Variants in CENPP observed in about 807,000 individuals in gnomAD.
CENPP encodes centromere protein P.
A neutral mutation model predicts 35.6 loss-of-function variants in CENPP; 24 were observed. The ratio of observed to expected loss-of-function variants is 0.67; its 90% CI spans 0.49 to 0.95. The LOEUF (loss-of-function observed/expected upper bound fraction) is 0.95, where lower values mean the gene tolerates loss of function less well. Ranked by LOEUF, CENPP falls within the 40% of genes least tolerant of loss-of-function variation. The probability of loss-of-function intolerance (pLI) is 0.00; values close to 1 mark genes in which losing one functional copy is unlikely to be tolerated. For missense variants in CENPP, 332 were observed against 345.3 expected (o/e 0.96, Z 0.31); for synonymous variants, 120 against 125.5 (o/e 0.96, Z 0.29).
chr9:92,431,247 G>A (rs1844101270), intron 5 of CENPP, among the ~76,000 whole-genome samples: 1 of 152,024 alleles, frequency 6.6e-6, no homozygotes, highest in Non-Finnish European at 1.5e-5. Flanking sequence ...ATTTGAAATG[G>A]GACTGTTTCC....
rs1184441562 is a variant in CENPP at position 92,332,330 on chromosome 9, A to G, written c.268A>G (p.Ser90Gly). Residue 90 changes from serine (S) to glycine (G), a missense_variant, in exon 2 of 8, where the codon AGC becomes GGC. Transcript: ENST00000375587. ...NHSKQTEDLTSTEMTEKSIRK... is the reference protein window; with the variant it reads ...NHSKQTEDLTGTEMTEKSIRK... ...CTCCAAGCAGACAGAAGACCTAACA[A>G]GCACTGAGATGACAGAAAAGAGTAA... 7 of 1,591,282 alleles carry G rather than the reference A, an allele frequency of 4.4e-6. No individual in the cohort carries two copies. Among genetic ancestry groups the G allele is most frequent in the Non-Finnish European group, 4.3e-6 (5 of 1,170,904 alleles).
intron 3 of CENPP, among the ~76,000 whole-genome samples, chr9:92,344,800 C>A (rs1841235242): frequency 6.6e-6 from 1 of 151,438 alleles, no homozygotes; most frequent in African/African-American, 2.4e-5. Flanking sequence ...TCACCCGCCT[C>A]TGCCTCCCAA....
chr9:92,461,259 T>G (rs954278723), intron 5 of CENPP, among the ~76,000 whole-genome samples: 8 of 152,190 alleles, frequency 5.3e-5, no homozygotes, highest in Admixed American at 5.2e-4. Context: ...TTGTTTTTTG[T>G]TTTTTGTTTT....
intron 5 of CENPP, among the ~76,000 whole-genome samples, chr9:92,442,578 A>G (rs1024916696): frequency 4.6e-5 from 7 of 152,084 alleles, no homozygotes; most frequent in Non-Finnish European, 1.0e-4. Context: ...AGTTGGGCAC[A>G]GTGGCTCACG....
rs1842008817 is a variant in CENPP, at chr9:92,371,762, T to C, written c.468-8001T>C. 2.0e-5 allele frequency among the ~76,000 whole-genome samples: 3 copies of C among 150,698 alleles called. No homozygotes were observed. In the South Asian group the frequency reaches 6.2e-4, roughly 31 times the overall value. On this transcript the variant is annotated intron_variant, in intron 4 of 7. Transcript: ENST00000375587. ...TCTCTTTATATTTGGTAATATTTGCTTTATGAATCTGGATGCTTCTATATT... is the reference window on the plus strand; with the variant it reads ...TCTCTTTATATTTGGTAATATTTGCCTTATGAATCTGGATGCTTCTATATT...
intron 5 of CENPP, chr9:92,403,814 G>C (rs1353389094): frequency 1.1e-5 from 4 of 371,712 alleles, no homozygotes; most frequent in African/African-American, 6.6e-5. Context: ...TCTCATGTGA[G>C]TTAAAAATAT....
intron 5 of CENPP, among the ~76,000 whole-genome samples, chr9:92,531,155 C>T (rs1200550510): frequency 1.3e-5 from 2 of 151,862 alleles, no homozygotes; most frequent in African/African-American, 2.4e-5. Flanking sequence ...TTGAAATATA[C>T]TTTCTATTTG....
At chr9:92,523,748 C>T (rs950959268) in intron 5 of CENPP, among the ~76,000 whole-genome samples, 5 of 152,172 alleles carry the variant, frequency 3.3e-5, no homozygotes, top group East Asian at 3.9e-4. Context: ...GGAGCCTGTA[C>T]GTCTGTCCAC....
chr9:92,520,765 A>G (rs1310139999), intron 5 of CENPP, among the ~76,000 whole-genome samples: 1 of 152,250 alleles, frequency 6.6e-6, no homozygotes, highest in Non-Finnish European at 1.5e-5. Context: ...ATACAATGGA[A>G]TATTATTCAG....
intron 5 of CENPP, among the ~76,000 whole-genome samples, chr9:92,531,136 A>G (rs1426299623): frequency 1.3e-5 from 2 of 152,068 alleles, no homozygotes; most frequent in Non-Finnish European, 2.9e-5. Flanking sequence ...GTAAAATTTA[A>G]TGTTTGAATT....
chr9:92,406,846 G>A (rs759958362), intron 5 of CENPP, among the ~76,000 whole-genome samples: 1 of 152,144 alleles, frequency 6.6e-6, no homozygotes, highest in African/African-American at 2.4e-5. Context: ...TTCACAGCTA[G>A]AGGAGGAAAT....
intron 5 of CENPP, among the ~76,000 whole-genome samples, chr9:92,555,872 T>G (rs536141669): frequency 2.0e-5 from 3 of 152,326 alleles, no homozygotes; most frequent in African/African-American, 7.2e-5. Flanking sequence ...TGTATTTTTT[T>G]GTTGTTGTTT....
Position 92,593,890 on chromosome 9 carries a change from CTT to C in CENPP, c.565-17422_565-17421del, listed in dbSNP as rs1309543364. Among the ~76,000 whole-genome samples, 2 of 152,172 alleles carry C rather than the reference CTT, an allele frequency of 1.3e-5. No homozygotes were observed. The highest frequency in any genetic ancestry group is 2.4e-5 in the African/African-American group (1 of 41,440). On this transcript the variant is annotated intron_variant, in intron 5 of 7. Transcript: ENST00000375587. This position sits in a 1 kb window ranked among gnomAD's most constrained non-coding sequence, Gnocchi z 4.1. ...TAGAGAAGCCAAGAATATAGGTACA[CTT>C]TGCTACCTTTCTCACGAATCTCAAA...
chr9:92,430,188 G>C (rs1304762896), intron 5 of CENPP, among the ~76,000 whole-genome samples: 1 of 152,010 alleles, frequency 6.6e-6, no homozygotes, highest in African/African-American at 2.4e-5. Context: ...CTATGGATCT[G>C]GTTGAAAATC....
At chr9:92,473,789 T>A (rs893562380) in intron 5 of CENPP, among the ~76,000 whole-genome samples, 4 of 152,232 alleles carry the variant, frequency 2.6e-5, no homozygotes, top group African/African-American at 4.8e-5. Context: ...TTCATTAAGG[T>A]CTCTAGAGTA....
intron 5 of CENPP, among the ~76,000 whole-genome samples, chr9:92,415,856 T>C (rs987917722): frequency 6.8e-6 from 1 of 146,344 alleles, no homozygotes; most frequent in African/African-American, 2.5e-5. Context: ...AAAATATATA[T>C]ATATAAAATT....
intron 5 of CENPP, among the ~76,000 whole-genome samples, chr9:92,564,359 A>T (rs187030065): frequency 4.6e-5 from 7 of 152,164 alleles, no homozygotes; most frequent in African/African-American, 1.7e-4. Context: ...ACTGCACTCT[A>T]GCCTGGGCAA....
At position 92,326,099 on chromosome 9, in the gene CENPP, G is replaced by T. The variant is rs750852584; in HGVS notation, c.101G>T (p.Arg34Leu). ...CCGGCGCCCTGGGAAGAGAAGTCCC[G>T]AGTCCAGTACGTGACCACCCCAAGT... ...DPPAPWEEKS[R>L]VQKSFQAIHQ... Residue 34 changes from arginine (R) to leucine (L), a missense_variant, in exon 1 of 8, where the codon CGA (arginine) becomes CTA (leucine). By Grantham distance (102) the Arg-to-Leu change is moderately radical. Coordinates refer to ENST00000375587, the MANE Select transcript of CENPP (RefSeq NM_001012267.3). 11 of 1,547,468 alleles carry T rather than the reference G, an allele frequency of 7.1e-6. No individual in the cohort carries two copies. The Admixed American group carries it at 9.7e-5, about 14-fold the overall frequency.
At chr9:92,463,419 T>C (rs1186841682) in intron 5 of CENPP, among the ~76,000 whole-genome samples, 3 of 152,212 alleles carry the variant, frequency 2.0e-5, no homozygotes, top group Non-Finnish European at 4.4e-5. Context: ...TTCTAAAGAT[T>C]CCTTTTGGCT....
Sources: allele counts gnomAD v4.1 joint callset (sites outside exome capture counted in the v4.1 genomes callset), GRCh38; gene constraint gnomAD v4.1.1; non-coding constraint Gnocchi (gnomAD v3.1); transcripts MANE v1.5; gene names NCBI Gene and HGNC (gene_info 2026-07-23, HGNC 2026-07-21).